The following ADA2 variants were observed in gnomAD, a reference collection of about 807,000 sequenced individuals.
ADA2 encodes adenosine deaminase 2.
ADA2 carries 29 observed loss-of-function variants against 44.2 expected under a neutral mutation model. The ratio of observed to expected loss-of-function variants is 0.66; its 90% CI spans 0.49 to 0.89. ADA2 has a LOEUF of 0.89. Among genes scored for constraint, ADA2 ranks in the 40% least tolerant of loss-of-function variants. ADA2 has a pLI of 0.00. For synonymous variants in ADA2, 215 were observed against 234.9 expected, an observed-to-expected ratio of 0.92 and a Z score of 0.77; for missense variants, 637 against 644.8, an observed-to-expected ratio of 0.99 and a Z score of 0.13.
upstream of ADA2, among the ~76,000 whole-genome samples, chr22:17,221,240 G>T (rs12170433): frequency 3.3e-5 from 5 of 152,044 alleles, no homozygotes; most frequent in African/African-American, 1.2e-4. Context: ...TTCCAGCGCC[G>T]CACAAAGGGA....
Position 17,188,868 on chromosome 22 carries a change from A to AAAAAAAAAAAATATATATATATAT in ADA2, c.973-422_973-421insATATATATATATATTTTTTTTTTT. ...CACTACAGCCTGGCCAAGAGCAAAA[A>AAAAAAAAAAAATATATATATATAT]ATATATATATATATATATTTTGTAA... On this transcript the variant is annotated intron_variant, in intron 6 of 9. Coordinates refer to ENST00000399837, the MANE Select transcript of ADA2 (RefSeq NM_001282225.2). The AAAAAAAAAAAATATATATATATAT allele has an allele frequency of 1.7e-4, 14 of 81,180 alleles. 1 individual carries two copies. The highest frequency in any genetic ancestry group is 4.6e-4 in the African/African-American group (11 of 23,806). 5.0% of individuals were successfully genotyped at this position (81,180 alleles called of 1,614,324 possible).
chr22:17,199,202 A>G (rs1320853609), intron 4 of ADA2, among the ~76,000 whole-genome samples: 2 of 151,890 alleles, frequency 1.3e-5, no homozygotes, highest in African/African-American at 4.8e-5. Context: ...GGAGACGGGC[A>G]GAGTGAGGAC....
In ADA2 at chr22:17,187,619, G is replaced by C. The variant is rs375374636; in HGVS notation, c.1081+720C>G. Among the ~76,000 whole-genome samples, 57 of 149,854 alleles carry C rather than the reference G, an allele frequency of 3.8e-4. 1 individual carries two copies. Among genetic ancestry groups the C allele is most frequent in the African/African-American group, 1.3e-3 (53 of 40,536 alleles). On this transcript the variant is annotated intron_variant, in intron 7 of 9. Coordinates refer to ENST00000399837, the MANE Select transcript of ADA2 (RefSeq NM_001282225.2). ...CCTAAAACGAATTTTTATAGCCAAA[G>C]TAGGATGATGTGAGTTTGCAGGATT...
intron 2 of ADA2, among the ~76,000 whole-genome samples, chr22:17,208,436 A>G (rs1601460764): frequency 9.7e-6 from 1 of 103,204 alleles, no homozygotes; most frequent in African/African-American, 3.3e-5. Context: ...AAAAAAAAAG[A>G]AAAAAAAAGA....
At chr22:17,183,109 C>A (rs60833491) in intron 7 of ADA2, among the ~76,000 whole-genome samples, 25,537 of 152,068 alleles carry the variant, frequency 0.17, 2,356 homozygotes, top group Middle Eastern at 0.28. Context: ...TTTTGAGACA[C>A]AGTCTTGCTC....
At chr22:17,184,027 C>T (rs2062006981) in intron 7 of ADA2, among the ~76,000 whole-genome samples, 2 of 130,898 alleles carry the variant, frequency 1.5e-5, no homozygotes, top group South Asian at 4.8e-4. Flanking sequence ...GGTGCAGTCT[C>T]GGCTCACTGC....
Position 17,207,289 on chromosome 22 carries a change from C to T in ADA2, c.324G>A (p.Gly108=), listed in dbSNP as rs2062365395. 1 of 1,599,596 alleles carries T rather than the reference C, an allele frequency of 6.3e-7. No individual in the cohort carries two copies. Among genetic ancestry groups the T allele is most frequent in the Non-Finnish European group, 8.6e-7 (1 of 1,168,544 alleles). The change falls in exon 3 of 10, where the codon GGG becomes GGA. Residue 108 remains glycine (G), a splice_region_variant and synonymous_variant. Coordinates refer to ENST00000399837, the MANE Select transcript of ADA2 (RefSeq NM_001282225.2). Reference sequence around the variant, plus strand: ...CAATGTCATGGAGGTGCAAGGCAGCCCCTGGAGAGGGAAGAAGAATGGTGA... The same window carrying T: ...CAATGTCATGGAGGTGCAAGGCAGCTCCTGGAGAGGGAAGAAGAATGGTGA... ...VFNILRMMPK[G]AALHLHDIGI... is the part of the protein sequence containing the mutation.
intron 5 of ADA2, among the ~76,000 whole-genome samples, chr22:17,190,717 C>T (rs79286561): frequency 1.3e-5 from 2 of 152,220 alleles, no homozygotes; most frequent in Admixed American, 1.3e-4. Context: ...CTAGGCAAAC[C>T]TGGGGGCACT....
intron 2 of ADA2, among the ~76,000 whole-genome samples, 191 bp downstream of exon 2, chr22:17,209,165 C>G (rs551670041): frequency 2.6e-5 from 4 of 152,016 alleles, no homozygotes; most frequent in Non-Finnish European, 4.4e-5. Flanking sequence ...GTCTGCGAGT[C>G]CCCCAGGAAG....
At chr22:17,207,512 G>C (rs2240617) in intron 2 of ADA2, among the ~76,000 whole-genome samples, 1 of 151,792 alleles carries the variant, frequency 6.6e-6, no homozygotes, top group Non-Finnish European at 1.5e-5. Flanking sequence ...ACAAGAAGAC[G>C]TGCAAGCAGA....
At chr22:17,184,395 G>T (rs2062011746) in intron 7 of ADA2, among the ~76,000 whole-genome samples, 1 of 152,086 alleles carries the variant, frequency 6.6e-6, no homozygotes, top group Non-Finnish European at 1.5e-5. Context: ...AGCTTTGGGG[G>T]ATTCCTCCCT....
intron 1 of ADA2, among the ~76,000 whole-genome samples, chr22:17,217,956 T>C (rs1430360116): frequency 6.6e-6 from 1 of 152,214 alleles, no homozygotes; most frequent in Non-Finnish European, 1.5e-5. Context: ...ATTCTAACTG[T>C]GCAACCTTGG....
At chr22:17,216,771 A>ACACAC (rs56275327) in intron 1 of ADA2, among the ~76,000 whole-genome samples, 1 of 135,074 alleles carries the variant, frequency 7.4e-6, no homozygotes. Flanking sequence ...AAAAAAAAAA[A>ACACAC]ACACACACAC....
At chr22:17,190,380 G>GT (rs2062100243) in intron 5 of ADA2, among the ~76,000 whole-genome samples, 1 of 152,192 alleles carries the variant, frequency 6.6e-6, no homozygotes, top group Non-Finnish European at 1.5e-5. Context: ...TCTGTCGGGG[G>GT]TGTAGACATG....
chr22:17,199,192 G>A (rs1265227447), intron 4 of ADA2, among the ~76,000 whole-genome samples: 14 of 152,018 alleles, frequency 9.2e-5, no homozygotes, highest in Admixed American at 9.2e-4. Flanking sequence ...GGGGACGGGC[G>A]GAGACGGGCA....
chr22:17,214,972 C>G (rs1160177335), intron 1 of ADA2, among the ~76,000 whole-genome samples: 3 of 152,156 alleles, frequency 2.0e-5, no homozygotes, highest in Non-Finnish European at 2.9e-5. Flanking sequence ...GCATTCCTAC[C>G]CTAAGGACAC....
At chr22:17,192,685 G>C (rs181650975) in intron 4 of ADA2, among the ~76,000 whole-genome samples, 2 of 152,132 alleles carry the variant, frequency 1.3e-5, no homozygotes, top group Non-Finnish European at 2.9e-5. Flanking sequence ...AAGATTAGCT[G>C]GGCATGGTGG....
intron 4 of ADA2, among the ~76,000 whole-genome samples, chr22:17,200,059 G>A (rs2062257456): frequency 6.6e-6 from 1 of 152,150 alleles, no homozygotes; most frequent in African/African-American, 2.4e-5. Flanking sequence ...GCTGAGTGCG[G>A]TGGTGTACAC....
intron 1 of ADA2, among the ~76,000 whole-genome samples, chr22:17,210,776 T>TG (rs1456745846): frequency 6.6e-6 from 1 of 151,334 alleles, no homozygotes; most frequent in African/African-American, 2.4e-5. Context: ...TTTTGTATTT[T>TG]TAATAGAGAC....
Sources: gnomAD v4.1 joint callset for allele counts (sites outside exome capture counted in the v4.1 genomes callset) on GRCh38, gnomAD v4.1.1 for gene constraint, MANE v1.5 for transcripts, NCBI Gene and HGNC (gene_info 2026-07-23, HGNC 2026-07-21) for gene names.